MYO9B: variants seen among roughly 807,000 people sequenced by gnomAD.
MYO9B encodes the protein unconventional myosin-IXb.
A neutral mutation model predicts 229.5 loss-of-function variants in MYO9B; 71 were observed. That is an observed-to-expected ratio of 0.31 (90% confidence interval 0.26 to 0.38). MYO9B has a LOEUF of 0.38. MYO9B is among the 10% of genes least tolerant of loss of function. The pLI, the probability that MYO9B is intolerant of heterozygous loss-of-function variation, is 1.00. For synonymous variants in MYO9B, 1,185 were observed against 1,235.8 expected, an observed-to-expected ratio of 0.96 and a Z score of 0.86; for missense variants, 2,255 against 2,920.5, an observed-to-expected ratio of 0.77 and a Z score of 5.25.
At chr19:17,110,346 C>T (rs1033791410) in intron 2 of MYO9B, among the ~76,000 whole-genome samples, 1 of 152,212 alleles carries the variant, frequency 6.6e-6, no homozygotes. Flanking sequence ...ATGAGTCTCC[C>T]CATCTTCCAC....
At chr19:17,139,771 T>A (rs967496147) in intron 2 of MYO9B, among the ~76,000 whole-genome samples, 3 of 151,836 alleles carry the variant, frequency 2.0e-5, no homozygotes, top group African/African-American at 7.3e-5. Context: ...GCTGGGCACA[T>A]TGGCTCAGGA....
intron 2 of MYO9B, among the ~76,000 whole-genome samples, chr19:17,127,096 T>C (rs1209112861): frequency 1.4e-5 from 2 of 144,570 alleles, no homozygotes; most frequent in Non-Finnish European, 3.0e-5. Context: ...ACTGCAACCT[T>C]TGCCTCCCAG....
In MYO9B at chr19:17,206,720, G is replaced by A. The variant is rs186514880; in HGVS notation, c.5428G>A (p.Val1810Ile). 153 of 1,589,204 alleles carry A rather than the reference G, an allele frequency of 9.6e-5. No homozygotes were observed. The East Asian group carries it at 2.7e-3, about 28-fold the overall frequency. Residue 1810 changes from valine to isoleucine, a missense_variant, in exon 34 of 40, where the codon GTC (valine) becomes ATC (isoleucine). Coordinates refer to ENST00000682292, the MANE Select transcript of MYO9B (RefSeq NM_004145.4). ...GGAGCAGCTGGCTGCCATCTATGCC[G>A]TCCTGGAGCACCTTCCAGAAGCCAA... is the stretch of plus-strand genomic sequence containing the variant. ...KQEQLAAIYA[V>I]LEHLPEANHN... is the part of the protein sequence containing the mutation.
chr19:17,112,329 G>A (rs557180911), intron 2 of MYO9B, among the ~76,000 whole-genome samples: 72 of 152,290 alleles, frequency 4.7e-4, no homozygotes, highest in African/African-American at 1.5e-3. Context: ...GGGGGCAGGC[G>A]TGCCCAGGTA....
chr19:17,091,140 G>C (rs541446566), intron 1 of MYO9B, among the ~76,000 whole-genome samples: 1 of 152,356 alleles, frequency 6.6e-6, no homozygotes, highest in East Asian at 1.9e-4. Flanking sequence ...TTTAACAAAG[G>C]AGGCTCCCCA....
chr19:17,145,576 A>T, intron 3 of MYO9B, 85 bp downstream of exon 3: 1 of 1,163,672 alleles, frequency 8.6e-7, no homozygotes, highest in Non-Finnish European at 1.3e-6. Flanking sequence ...TGAGATGTGG[A>T]GATCATGGCT....
At chr19:17,189,080 G>C (rs992860331) in intron 19 of MYO9B, among the ~76,000 whole-genome samples, 49 of 151,504 alleles carry the variant, frequency 3.2e-4, no homozygotes, top group African/African-American at 1.1e-3. Flanking sequence ...AGAATTGCTT[G>C]AACCCGGGAG....
chr19:17,135,382 C>T (rs1370042266), intron 2 of MYO9B, among the ~76,000 whole-genome samples: 3 of 152,012 alleles, frequency 2.0e-5, no homozygotes, highest in African/African-American at 7.3e-5. Context: ...GTGCGTGTGC[C>T]AGATTATATC....
intron 10 of MYO9B, among the ~76,000 whole-genome samples, chr19:17,167,497 C>T (rs1366233732): frequency 3.2e-5 from 4 of 125,628 alleles, no homozygotes; most frequent in Non-Finnish European, 4.9e-5. Flanking sequence ...TTTTTTGTGA[C>T]GGAGTTTCGC....
At chr19:17,095,012 G>A (rs2123496849) in intron 1 of MYO9B, among the ~76,000 whole-genome samples, 1 of 152,306 alleles carries the variant, frequency 6.6e-6, no homozygotes, top group Non-Finnish European at 1.5e-5. Context: ...GCTGAGGTGG[G>A]CAGATCACTT....
At chr19:17,125,309 C>A (rs4993142) in intron 2 of MYO9B, among the ~76,000 whole-genome samples, 39,628 of 120,812 alleles carry the variant, frequency 0.33, 6,413 homozygotes, top group East Asian at 0.56. Flanking sequence ...CCCCCCCCCC[C>A]AAAAAAAGGG....
chr19:17,162,996 CA>C lies in MYO9B; in HGVS notation c.1546del (p.Ile516LeufsTer125). ...DVEEAVSCLS[I>X]GVLDIFGFED... ...TTCTCTGTCTCTCCCAGTGCCTGTC[CA>C]TTGGGGTCCTGGACATCTTCGGGTT... On this transcript the variant is annotated frameshift_variant, in exon 10 of 40. Coordinates refer to ENST00000682292, the MANE Select transcript of MYO9B (RefSeq NM_004145.4). LOFTEE classifies it high-confidence loss of function. The C allele has an allele frequency of 6.2e-7, 1 of 1,610,110 alleles. No homozygotes were observed.
At chr19:17,077,281 T>G (rs2057494183) in intron 1 of MYO9B, among the ~76,000 whole-genome samples, 1 of 152,126 alleles carries the variant, frequency 6.6e-6, no homozygotes, top group Non-Finnish European at 1.5e-5. Flanking sequence ...AACCCCAGCT[T>G]ATGTTTAGTT....
chr19:17,150,032 A>G (rs549331251), intron 3 of MYO9B, among the ~76,000 whole-genome samples: 3 of 152,254 alleles, frequency 2.0e-5, no homozygotes, highest in Admixed American at 6.5e-5. Context: ...TTTTTCTCCT[A>G]TTTGAAAGAA....
At chr19:17,128,226 A>T (rs565068184) in intron 2 of MYO9B, among the ~76,000 whole-genome samples, 62 of 147,584 alleles carry the variant, frequency 4.2e-4, no homozygotes, top group African/African-American at 1.4e-3. Context: ...AAAAAAAAAA[A>T]TTTTTTTTTT....
At position 17,162,448 on chromosome 19, in the gene MYO9B, C is replaced by T. The variant is rs920795421; in HGVS notation, c.1518C>T (p.Asp506=). The part of the protein sequence containing the change: ...RINHALLNKK[D]VEEAVSCLSI... ...ACCACGCACTCCTCAACAAGAAGGA[C>T]GTGGAAGAGGCAGTCTCGGTGAGTG... The change falls in exon 9 of 40, where the codon GAC becomes GAT. Residue 506 remains aspartate (D), a synonymous_variant. Transcript: ENST00000682292. 1.2e-5 allele frequency: 19 copies of T among 1,572,184 alleles called. No individual in the cohort carries two copies. Among genetic ancestry groups the T allele is most frequent in the Admixed American group, 1.9e-5 (1 of 53,728 alleles).
Position 17,194,731 on chromosome 19 carries a change from G to C in MYO9B, c.3304G>C (p.Glu1102Gln). The C allele has an allele frequency of 6.2e-7, 1 of 1,613,082 alleles. No individual in the cohort carries two copies. Among genetic ancestry groups the C allele is most frequent in the Non-Finnish European group, 8.5e-7 (1 of 1,179,892 alleles). The change falls in exon 22 of 40, where the codon GAG becomes CAG. Residue 1102 changes from glutamate to glutamine, a missense_variant. By Grantham distance (29) the Glu-to-Gln change is conservative. Transcript: ENST00000682292. ...TGGCGGGCACCTGGCATCGGAGCCT[G>C]AGGTGCAGCCAAGTGACAGGTCCCC... is the stretch of plus-strand genomic sequence containing the variant. ...EDGGHLASEP[E>Q]VQPSDRSPLE...
chr19:17,183,425 C>T (rs912008231), intron 15 of MYO9B, among the ~76,000 whole-genome samples: 5 of 152,214 alleles, frequency 3.3e-5, no homozygotes, highest in Admixed American at 6.5e-5. Context: ...AGGCTCCCTC[C>T]GCCCCACTCG....
chr19:17,162,899 T>C (rs1168263536), intron 9 of MYO9B, 89 bp from the exon 10 acceptor site: 1 of 1,432,200 alleles, frequency 7.0e-7, no homozygotes, highest in Non-Finnish European at 9.5e-7. Context: ...ACCTAACAGG[T>C]CACAGCCTGT....
Sources: allele counts gnomAD v4.1 joint callset (sites outside exome capture counted in the v4.1 genomes callset), GRCh38; gene constraint gnomAD v4.1.1; transcripts MANE v1.5; gene names NCBI Gene and HGNC (gene_info 2026-07-23, HGNC 2026-07-21).